Variants in TUBG2 observed in about 807,000 individuals in gnomAD.
TUBG2 encodes tubulin gamma-2 chain.
Under a neutral mutation model 55.1 loss-of-function variants are expected in TUBG2, and 39 were observed. The ratio of observed to expected loss-of-function variants is 0.71; its 90% CI spans 0.55 to 0.93. The LOEUF (loss-of-function observed/expected upper bound fraction) is 0.93, where lower values mean the gene tolerates loss of function less well. Ranked by LOEUF, TUBG2 falls within the 40% of genes least tolerant of loss-of-function variation. The pLI is 0.00. For synonymous variants in TUBG2, 223 were observed against 241.0 expected (o/e 0.93, Z 0.69); for missense variants, 358 against 599.1 (o/e 0.60, Z 4.20).
intron 1 of TUBG2, 23 bp from the exon 2 acceptor site, chr17:42,659,811 C>G: frequency 6.2e-7 from 1 of 1,613,918 alleles, no homozygotes. Context: ...CCAGCAGACC[C>G]GGGCATCTCC....
chr17:42,659,696 C>T, intron 1 of TUBG2, 138 bp from the exon 2 acceptor site: 14 of 1,378,892 alleles, frequency 1.0e-5, no homozygotes, highest in Non-Finnish European at 1.4e-5. Flanking sequence ...AGAGCTGCGC[C>T]TCCAGCCCGG....
In TUBG2 at chr17:42,663,398, G is replaced by A. The variant is rs1345358941; in HGVS notation, c.501G>A (p.Gln167=). The change falls in exon 6 of 11, where the codon CAG becomes CAA. Residue 167 remains glutamine, a synonymous_variant. Transcript: ENST00000251412. The part of the protein sequence containing the change: ...LNDRYPKKLV[Q]TYSVFPYQDE... ...TCAGGTACCCCAAGAAGCTAGTGCAGACTTATTCAGTGTTTCCCTACCAGG... is the reference window on the plus strand; with the variant it reads ...TCAGGTACCCCAAGAAGCTAGTGCAAACTTATTCAGTGTTTCCCTACCAGG... The A allele has an allele frequency of 6.2e-7, 1 of 1,614,120 alleles. No homozygotes were observed.
chr17:42,661,233 A>AG (rs1485657843), intron 4 of TUBG2: 1 of 154,230 alleles, frequency 6.5e-6, no homozygotes. Context: ...TAAAGGTGAA[A>AG]GACAGTCTTT....
rs1267395455 is a variant in TUBG2 at position 42,665,760 on chromosome 17, C to T, written c.776C>T (p.Ser259Leu). The T allele has an allele frequency of 6.2e-7, 1 of 1,614,112 alleles. No individual in the cohort carries two copies. Among genetic ancestry groups the T allele is most frequent in the Non-Finnish European group, 8.5e-7 (1 of 1,180,042 alleles). Reference sequence around the variant, plus strand: ...AATGACCTCATCGGCCTCATCGCCTCGCTCATTCCCACCCCACGGCTCCAC... The same window carrying T: ...AATGACCTCATCGGCCTCATCGCCTTGCTCATTCCCACCCCACGGCTCCAC... ...MNNDLIGLIA[S>L]LIPTPRLHFL... The change falls in exon 8 of 11, where the codon TCG becomes TTG. Residue 259 changes from serine (S) to leucine (L), a missense_variant. Ser to Leu is a moderately radical substitution (Grantham distance 145, BLOSUM62 -2). Coordinates refer to ENST00000251412, the MANE Select transcript of TUBG2 (RefSeq NM_016437.3).
Position 42,660,287 on chromosome 17 carries a change from G to A in TUBG2, c.301G>A (p.Gly101Ser). The A allele has an allele frequency of 1.9e-6, 3 of 1,614,112 alleles. No individual in the cohort carries two copies. The highest frequency in any genetic ancestry group is 2.5e-6 in the Non-Finnish European group (3 of 1,180,024). Reference sequence around the variant, plus strand: ...CCTGTCGGAACATGGAGGAGGAGCTGGCAACAACTGGGCCAGCGGATTCTC... The same window carrying A: ...CCTGTCGGAACATGGAGGAGGAGCTAGCAACAACTGGGCCAGCGGATTCTC... The part of the protein sequence containing the change: ...IYLSEHGGGA[G>S]NNWASGFSQG... The change falls in exon 3 of 11, where the codon GGC (glycine) becomes AGC (serine). Residue 101 changes from glycine to serine, a missense_variant. By Grantham distance (56) the Gly-to-Ser change is moderately conservative (BLOSUM62 0). Coordinates refer to ENST00000251412, the MANE Select transcript of TUBG2 (RefSeq NM_016437.3).
chr17:42,659,659 C>T, intron 1 of TUBG2, 107 bp downstream of exon 1: 4 of 1,388,854 alleles, frequency 2.9e-6, no homozygotes, highest in African/African-American at 2.9e-5. Flanking sequence ...GAACCCCCTG[C>T]CCTGCTGCTC....
Position 42,660,229 on chromosome 17 carries a change from C to T in TUBG2, c.243C>T (p.Pro81=), listed in dbSNP as rs540089164. 17 of 1,613,468 alleles carry T rather than the reference C, an allele frequency of 1.1e-5. No homozygotes were observed. The African/African-American group carries it at 1.9e-4, about 18-fold the overall frequency. ...TGATCCACTCCATCCTCAACTCCCCCTATGCCAAGCTCTACAACCCAGAGA... is the reference window on the plus strand; with the variant it reads ...TGATCCACTCCATCCTCAACTCCCCTTATGCCAAGCTCTACAACCCAGAGA... ...PRVIHSILNS[P]YAKLYNPENI... is the part of the protein sequence containing the mutation. The change falls in exon 3 of 11, where the codon CCC becomes CCT. Residue 81 remains proline, a synonymous_variant. Transcript: ENST00000251412.
intron 8 of TUBG2, 47 bp downstream of exon 8, chr17:42,665,874 G>A (rs765570748): frequency 2.5e-6 from 4 of 1,612,368 alleles, no homozygotes; most frequent in Non-Finnish European, 3.4e-6. Flanking sequence ...CCTGGGCCCA[G>A]CAGGCCCTGC....
chr17:42,663,015 G>C lies in TUBG2; in HGVS notation c.442G>C (p.Gly148Arg). ...CHSIAGGTGS[G>R]LGSYLLERLN... ...CTCCATCGCTGGGGGTACGGGTTCTGGCCTGGGCTCCTACCTCCTGGAGCG... is the reference window on the plus strand; with the variant it reads ...CTCCATCGCTGGGGGTACGGGTTCTCGCCTGGGCTCCTACCTCCTGGAGCG... The change falls in exon 5 of 11, where the codon GGC becomes CGC. Residue 148 changes from glycine to arginine, a missense_variant. Gly to Arg is a moderately radical substitution (Grantham distance 125). Around this residue, in one of 8 missense-constraint regions of TUBG2, gnomAD observed 40 missense variants for 40.4 expected, o/e 0.99. Transcript: ENST00000251412. The C allele has an allele frequency of 6.2e-7, 1 of 1,614,154 alleles. No homozygotes were observed. Among genetic ancestry groups the C allele is most frequent in the Non-Finnish European group, 8.5e-7 (1 of 1,180,020 alleles).
chr17:42,666,600 C>T lies in TUBG2; in HGVS notation c.1159-3C>T. On this transcript the variant is annotated splice_region_variant and splice_polypyrimidine_tract_variant and intron_variant, in intron 10 of 10. Coordinates refer to ENST00000251412, the MANE Select transcript of TUBG2 (RefSeq NM_016437.3). ...GCATTTTGGAGATTTTCATCTCTTT[C>T]AGCTCTTTGAAAGTTCCTGCCAGCA... The T allele has an allele frequency of 6.2e-7, 1 of 1,614,144 alleles. No homozygotes were observed. Among genetic ancestry groups the T allele is most frequent in the South Asian group, 1.1e-5 (1 of 91,006 alleles).
chr17:42,664,250 TG>T (rs1322534285), intron 6 of TUBG2, among the ~76,000 whole-genome samples: 2 of 148,066 alleles, frequency 1.4e-5, no homozygotes, highest in African/African-American at 2.5e-5. Context: ...CACTCCAGCT[TG>T]GGCAACGGAA....
chr17:42,665,597 A>G, intron 7 of TUBG2, 35 bp downstream of exon 7: 1 of 1,614,108 alleles, frequency 6.2e-7, no homozygotes, highest in Non-Finnish European at 8.5e-7. Context: ...TTGGACTGGA[A>G]GCCCTCCTTG....
Position 42,663,152 on chromosome 17 carries a change from GTCA to G in TUBG2, c.479+102_479+104del. 2.2e-6 allele frequency: 3 copies of G among 1,394,446 alleles called. No homozygotes were observed. In the Middle Eastern group the frequency reaches 6.5e-4, roughly 300 times the overall value. 86.4% of individuals were successfully genotyped at this position (1,394,446 alleles called of 1,614,324 possible). A position where few individuals can be genotyped will look rare whatever the true frequency, so the allele number is the denominator to read the frequency against. ...GAAAGTCTGCCACTACCCCTTTTGA[GTCA>G]TAGGGACAGACCCACCCAAGGACCA... On this transcript the variant is annotated intron_variant, in intron 5 of 10. Transcript: ENST00000251412.
At chr17:42,664,577 C>T (rs2052471508) in intron 6 of TUBG2, among the ~76,000 whole-genome samples, 1 of 152,042 alleles carries the variant, frequency 6.6e-6, no homozygotes, top group Non-Finnish European at 1.5e-5. Context: ...CAAAACCCTT[C>T]CTGACTACTC....
Position 42,666,956 on chromosome 17 carries a change from T to A in TUBG2, c.*156T>A. 2.8e-6 allele frequency: 2 copies of A among 705,704 alleles called. No individual in the cohort carries two copies. Among genetic ancestry groups the A allele is most frequent in the South Asian group, 1.9e-5 (1 of 53,574 alleles). The allele number at this position is 705,704 out of a possible 1,614,324, so 43.7% of individuals were successfully genotyped here. A position where few individuals can be genotyped will look rare whatever the true frequency, so the allele number is the denominator to read the frequency against. On this transcript the variant is annotated 3_prime_UTR_variant, in exon 11 of 11. Coordinates refer to ENST00000251412, the MANE Select transcript of TUBG2 (RefSeq NM_016437.3). ...TTCCTCCCTTCCATGCCCTAACTTTTAATATGCTTGTTCAGCTCTAATAAA... is the reference window on the plus strand; with the variant it reads ...TTCCTCCCTTCCATGCCCTAACTTTAAATATGCTTGTTCAGCTCTAATAAA...
Position 42,665,776 on chromosome 17 carries a change from A to C in TUBG2, c.792A>C (p.Pro264=). The C allele has an allele frequency of 6.2e-7, 1 of 1,613,800 alleles. No individual in the cohort carries two copies. Among genetic ancestry groups the C allele is most frequent in the Non-Finnish European group, 8.5e-7 (1 of 1,179,906 alleles). The part of the protein sequence containing the change: ...IGLIASLIPT[P]RLHFLMTGYT... ...TCATCGCCTCGCTCATTCCCACCCCACGGCTCCACTTCCTCATGACCGGCT... is the reference window on the plus strand; with the variant it reads ...TCATCGCCTCGCTCATTCCCACCCCCCGGCTCCACTTCCTCATGACCGGCT... The change falls in exon 8 of 11, where the codon CCA becomes CCC. Residue 264 remains proline (P), a synonymous_variant. Transcript: ENST00000251412.
chr17:42,664,064 C>T (rs1336785120), intron 6 of TUBG2, among the ~76,000 whole-genome samples: 1 of 150,214 alleles, frequency 6.7e-6, no homozygotes, highest in Non-Finnish European at 1.5e-5. Flanking sequence ...CAAGATCACA[C>T]CATTGCACTC....
At chr17:42,660,349 A>C in intron 3 of TUBG2, 33 bp downstream of exon 3, 1 of 1,613,500 alleles carries the variant, frequency 6.2e-7, no homozygotes, top group Non-Finnish European at 8.5e-7. Context: ...GACCTTTGAT[A>C]TTCCCATCCA....
At chr17:42,664,833 TTTTA>T (rs962047169) in intron 6 of TUBG2, among the ~76,000 whole-genome samples, 10 of 67,588 alleles carry the variant, frequency 1.5e-4, no homozygotes, top group Admixed American at 2.2e-4. Context: ...TTTTCTTTCT[TTTTA>T]TTTTTTATTT....
Sources: allele counts gnomAD v4.1 joint callset (sites outside exome capture counted in the v4.1 genomes callset), GRCh38; gene constraint gnomAD v4.1.1; regional missense constraint gnomAD v4.1.1; transcripts MANE v1.5; gene names NCBI Gene and HGNC (gene_info 2026-07-23, HGNC 2026-07-21).